The following WLS variants were observed in gnomAD, a reference collection of about 807,000 sequenced individuals.
The protein encoded by WLS is protein wntless homolog.
WLS carries 23 observed loss-of-function variants against 62.8 expected under a neutral mutation model. The observed-to-expected ratio is 0.37, with a 90% confidence interval of 0.26 to 0.52. The LOEUF (loss-of-function observed/expected upper bound fraction) is 0.52. Ranked by LOEUF, WLS falls within the 20% of genes least tolerant of loss-of-function variation. The pLI is 0.92. For missense variants in WLS, 615 were observed against 697.3 expected (o/e 0.88, Z 1.33); for synonymous variants, 246 against 244.1 (o/e 1.01, Z -0.07).
intron 11 of WLS, among the ~76,000 whole-genome samples, chr1:68,110,691 CCAT>C (rs1646216618): frequency 2.8e-5 from 4 of 143,074 alleles, no homozygotes; most frequent in Non-Finnish European, 6.1e-5. Flanking sequence ...CTCTCTCTCT[CCAT>C]ATATATATGT....
At chr1:68,130,192 G>C (rs1646498575) in intron 11 of WLS, among the ~76,000 whole-genome samples, 1 of 152,208 alleles carries the variant, frequency 6.6e-6, no homozygotes, top group African/African-American at 2.4e-5. Flanking sequence ...TTGTGTATCT[G>C]TGCCCACTTC....
intron 2 of WLS, chr1:68,162,641 A>G: frequency 8.0e-7 from 1 of 1,245,708 alleles, no homozygotes; most frequent in African/African-American, 1.5e-5. Context: ...TGGTACAGCC[A>G]TGTGTTCCTC....
intron 3 of WLS, among the ~76,000 whole-genome samples, chr1:68,157,203 TTCC>T (rs1646910718): frequency 6.6e-6 from 1 of 152,178 alleles, no homozygotes; most frequent in Non-Finnish European, 1.5e-5. Context: ...TGGCCTCAGT[TTCC>T]TCCTAAGTGA....
At chr1:68,110,191 G>A (rs999597350) in intron 11 of WLS, among the ~76,000 whole-genome samples, 6 of 151,470 alleles carry the variant, frequency 4.0e-5, no homozygotes, top group African/African-American at 1.5e-4. Context: ...CTACAGATAG[G>A]CAAAATTAAA....
intron 1 of WLS, among the ~76,000 whole-genome samples, chr1:68,215,912 A>G (rs946614479): frequency 6.6e-6 from 1 of 152,152 alleles, no homozygotes; most frequent in African/African-American, 2.4e-5. Flanking sequence ...TTTAAGATTT[A>G]CCCTGGGGTT....
Position 68,148,439 on chromosome 1 carries a change from G to A in WLS, c.1070+124C>T, listed in dbSNP as rs891529. The A allele has an allele frequency of 5.7e-3, 6,022 of 1,052,086 alleles. 228 individuals are homozygous for A. The African/African-American group carries it at 0.086, about 15-fold the overall frequency. 65.2% of individuals were successfully genotyped at this position (1,052,086 alleles called of 1,614,324 possible). A position where few individuals can be genotyped will look rare whatever the true frequency, so the allele number is the denominator to read the frequency against. On this transcript the variant is annotated intron_variant, in intron 7 of 11. Coordinates refer to ENST00000262348, the MANE Select transcript of WLS (RefSeq NM_024911.7). ...AGACCTTGTCTGAGGATGTGACCAC[G>A]TCCAGTGCTTCCAAACCAAAGGTTC...
intron 11 of WLS, 42 bp downstream of exon 11, chr1:68,137,738 A>G: frequency 6.3e-7 from 1 of 1,587,754 alleles, no homozygotes. Context: ...ACAGAAGCCT[A>G]TTTATCCTGA....
rs1446481673 is a variant in WLS, at chr1:68,232,217, G to A, written c.83C>T (p.Ala28Val). ...GGILLVFQII[A>V]FLVGGLIAPG... The stretch of plus-strand genomic sequence containing the variant: ...ACCAATCAAGCCTCCCACCAGAAAG[G>A]CGATGATTTGGAACACGAGCAGAAT... Residue 28 changes from alanine (A) to valine (V), a missense_variant, in exon 1 of 12, where the codon GCC becomes GTC. By Grantham distance (64) the Ala-to-Val change is moderately conservative. Transcript: ENST00000262348. 1.2e-6 allele frequency: 2 copies of A among 1,614,150 alleles called. No homozygotes were observed. Among genetic ancestry groups the A allele is most frequent in the Non-Finnish European group, 1.7e-6 (2 of 1,180,020 alleles).
chr1:68,151,900 T>A (rs1646831487), intron 5 of WLS, among the ~76,000 whole-genome samples: 1 of 152,082 alleles, frequency 6.6e-6, no homozygotes, highest in Non-Finnish European at 1.5e-5. Context: ...ATCCTGTGAA[T>A]AGGCTGCAGG....
At chr1:68,209,284 TA>T (rs1204936644) in intron 1 of WLS, among the ~76,000 whole-genome samples, 17 of 152,244 alleles carry the variant, frequency 1.1e-4, no homozygotes, top group African/African-American at 3.9e-4. Flanking sequence ...CAAGCCATTC[TA>T]CAACACTTCA....
chr1:68,167,416 G>A (rs1359581242), intron 2 of WLS, among the ~76,000 whole-genome samples: 1 of 152,112 alleles, frequency 6.6e-6, no homozygotes, highest in Non-Finnish European at 1.5e-5. Flanking sequence ...CATTAATGAT[G>A]ATGTTGCATT....
chr1:68,211,208 A>G (rs1244179763), intron 1 of WLS, among the ~76,000 whole-genome samples: 1 of 152,154 alleles, frequency 6.6e-6, no homozygotes, highest in African/African-American at 2.4e-5. Context: ...TCTAAACCCA[A>G]ACATTCCTCT....
At chr1:68,206,871 A>C (rs1033540871) in intron 1 of WLS, among the ~76,000 whole-genome samples, 1 of 152,234 alleles carries the variant, frequency 6.6e-6, no homozygotes, top group Non-Finnish European at 1.5e-5. Flanking sequence ...GTTTAAAGAA[A>C]AAGTTCCTAC....
chr1:68,216,970 T>C (rs983663814), intron 1 of WLS, among the ~76,000 whole-genome samples: 14 of 152,230 alleles, frequency 9.2e-5, no homozygotes, highest in Non-Finnish European at 1.6e-4. Flanking sequence ...TTAAATACTT[T>C]TCTTCTACAG....
Position 68,232,518 on chromosome 1 carries a change from G to T in WLS, c.-219C>A. ...GGGTTCCCCCAATGCCCGGAGCTGT[G>T]ATTGTGGCCGCTCCGCCGCCTGTGG... On this transcript the variant is annotated 5_prime_UTR_variant, in exon 1 of 12. Coordinates refer to ENST00000262348, the MANE Select transcript of WLS (RefSeq NM_024911.7). 1 of 900,346 alleles carries T rather than the reference G, an allele frequency of 1.1e-6. No homozygotes were observed. The highest frequency in any genetic ancestry group is 1.5e-6 in the Non-Finnish European group (1 of 645,832). The allele number at this position is 900,346 out of a possible 1,614,324, so 55.8% of individuals were successfully genotyped here.
At chr1:68,191,530 T>C (rs557134964) in intron 2 of WLS, among the ~76,000 whole-genome samples, 3 of 152,334 alleles carry the variant, frequency 2.0e-5, no homozygotes, top group African/African-American at 7.2e-5. Context: ...TTCTTATTTG[T>C]AGGTTTAAGT....
intron 11 of WLS, chr1:68,100,915 C>G (rs1322580051): frequency 6.6e-6 from 1 of 152,344 alleles, no homozygotes; most frequent in South Asian, 2.1e-4. Context: ...ATGCAACATG[C>G]ATGTTTGCTT....
At chr1:68,130,422 C>T (rs749387765) in intron 11 of WLS, among the ~76,000 whole-genome samples, 7 of 152,234 alleles carry the variant, frequency 4.6e-5, no homozygotes, top group South Asian at 4.1e-4. Flanking sequence ...CAATGTGTGC[C>T]GGAGCCAAGA....
chr1:68,130,808 G>T (rs1395029165), intron 11 of WLS, among the ~76,000 whole-genome samples: 1 of 151,704 alleles, frequency 6.6e-6, no homozygotes, highest in Non-Finnish European at 1.5e-5. Flanking sequence ...CCCAGGAGCT[G>T]GAGACCAGCC....
Sources: gnomAD v4.1 joint callset for allele counts (sites outside exome capture counted in the v4.1 genomes callset) on GRCh38, gnomAD v4.1.1 for gene constraint, MANE v1.5 for transcripts, NCBI Gene and HGNC (gene_info 2026-07-23, HGNC 2026-07-21) for gene names.